The following FARS2 variants were observed in gnomAD, a reference collection of about 807,000 sequenced individuals.
FARS2 encodes phenylalanyl-tRNA synthetase 2, mitochondrial, also known as phenylalanine--tRNA ligase, mitochondrial.
FARS2 carries 40 observed loss-of-function variants against 46.4 expected under a neutral mutation model. The observed-to-expected ratio is 0.86, with a 90% CI of 0.67 to 1.12. The LOEUF (loss-of-function observed/expected upper bound fraction) is 1.12, where lower values mean the gene tolerates loss of function less well. Among genes scored for constraint, FARS2 ranks in the 50% most tolerant of loss-of-function variants. The pLI, the probability that FARS2 is intolerant of heterozygous loss-of-function variation, is 0.00. For synonymous variants in FARS2, 234 were observed against 214.9 expected (o/e 1.09, Z -0.78); for missense variants, 513 against 567.9 (o/e 0.90, Z 0.98).
intron 1 of FARS2, among the ~76,000 whole-genome samples, chr6:5,289,610 A>G (rs920289864): frequency 2.0e-5 from 3 of 152,130 alleles, no homozygotes; most frequent in African/African-American, 7.2e-5. Context: ...TTACACTCCT[A>G]TGCAAATGAA....
chr6:5,628,856 G>A (rs1195489367), intron 6 of FARS2, among the ~76,000 whole-genome samples: 2 of 152,194 alleles, frequency 1.3e-5, no homozygotes, highest in African/African-American at 2.4e-5. Flanking sequence ...GGTTTGATGT[G>A]CACTGCCATC....
rs116461505 is a variant in FARS2, at chr6:5,512,957, G to A, written c.905-32223G>A. ...AGTCATCAGACACACTGGGGACCCTGGATAGGTTTGACGCAAGAAAGTGTC... is the reference window on the plus strand; with the variant it reads ...AGTCATCAGACACACTGGGGACCCTAGATAGGTTTGACGCAAGAAAGTGTC... On this transcript the variant is annotated intron_variant, in intron 4 of 6. Transcript: ENST00000274680. Among the ~76,000 whole-genome samples, 1,373 of 152,224 alleles carry A rather than the reference G, an allele frequency of 9.0e-3. 19 individuals are homozygous for A. The highest frequency in any genetic ancestry group is 0.03 in the African/African-American group (1,263 of 41,530).
rs398000284 is a variant in FARS2, at chr6:5,405,480, C to CTTTTTTTTT, written c.772+796_772+804dup. Among the ~76,000 whole-genome samples, 151 of 58,950 alleles carry CTTTTTTTTT rather than the reference C, an allele frequency of 2.6e-3. 24 individuals are homozygous for CTTTTTTTTT. The highest frequency in any genetic ancestry group is 5.6e-3 in the African/African-American group (86 of 15,396). The allele number at this position is 58,950 out of a possible 152,430, so 38.7% of individuals were successfully genotyped here. Reference sequence around the variant, plus strand: ...AGGACGTGATCAGTGGAGCAAGGTTCTTTTTTTTTTTTTTTTTTTTTTTTT... The same window carrying CTTTTTTTTT: ...AGGACGTGATCAGTGGAGCAAGGTTCTTTTTTTTTTTTTTTTTTTTTTTTTTTTTTTTTT... On this transcript the variant is annotated intron_variant, in intron 3 of 6. Coordinates refer to ENST00000274680, the MANE Select transcript of FARS2 (RefSeq NM_006567.5).
intron 5 of FARS2, among the ~76,000 whole-genome samples, chr6:5,599,432 C>T (rs895721799): frequency 9.9e-5 from 15 of 152,102 alleles, no homozygotes; most frequent in Admixed American, 7.9e-4. Context: ...ACGGTAATGC[C>T]GCCTCCAGAA....
chr6:5,536,834 C>T (rs933444229), intron 4 of FARS2, among the ~76,000 whole-genome samples: 2 of 152,156 alleles, frequency 1.3e-5, no homozygotes, highest in African/African-American at 4.8e-5. Flanking sequence ...TGAATAGGCA[C>T]AAGAAGTTAC....
chr6:5,269,151 T>C (rs936880036), intron 1 of FARS2, among the ~76,000 whole-genome samples: 2 of 152,174 alleles, frequency 1.3e-5, no homozygotes, highest in African/African-American at 4.8e-5. Context: ...TGGAATACTA[T>C]GCAGCCATAA....
chr6:5,680,061 A>G (rs901068104), intron 6 of FARS2, among the ~76,000 whole-genome samples: 1 of 152,210 alleles, frequency 6.6e-6, no homozygotes, highest in African/African-American at 2.4e-5. Context: ...GTCCACAGCA[A>G]TCTTTCCTTC....
rs375222738 is a variant in FARS2, at chr6:5,420,661, A to G, written c.773-10380A>G. ...CTGCTGATGCAAGAGGTATGTTCCC[A>G]TGGTTTTGGGCAGCTCTGCCCCTGT... On this transcript the variant is annotated intron_variant, in intron 3 of 6. Transcript: ENST00000274680. Among the ~76,000 whole-genome samples, 7 of 152,224 alleles carry G rather than the reference A, an allele frequency of 4.6e-5. No individual in the cohort carries two copies. The East Asian group carries it at 9.7e-4, about 21-fold the overall frequency.
intron 5 of FARS2, among the ~76,000 whole-genome samples, chr6:5,604,480 G>A (rs947746151): frequency 1.6e-4 from 25 of 152,262 alleles, no homozygotes; most frequent in Admixed American, 3.3e-4. Flanking sequence ...GTGGCAGCAG[G>A]AATGGGCAGG....
intron 5 of FARS2, among the ~76,000 whole-genome samples, chr6:5,583,961 C>A (rs1773472771): frequency 6.6e-6 from 1 of 152,128 alleles, no homozygotes. Flanking sequence ...GGTTCAATGG[C>A]TTTTTTATCC....
chr6:5,393,580 C>A (rs576655886), intron 2 of FARS2, among the ~76,000 whole-genome samples: 2 of 152,090 alleles, frequency 1.3e-5, no homozygotes, highest in South Asian at 4.1e-4. Flanking sequence ...ATCACTTGAA[C>A]CCGGAGGCGG....
At chr6:5,463,362 A>C (rs1765349425) in intron 4 of FARS2, among the ~76,000 whole-genome samples, 1 of 152,158 alleles carries the variant, frequency 6.6e-6, no homozygotes. Flanking sequence ...GGCTTTCAGG[A>C]ACCTTTCCTT....
At chr6:5,640,431 G>A (rs961139354) in intron 6 of FARS2, among the ~76,000 whole-genome samples, 2 of 152,162 alleles carry the variant, frequency 1.3e-5, no homozygotes, top group African/African-American at 4.8e-5. Flanking sequence ...CTCCCAGCCC[G>A]AGCTTCCCCC....
At chr6:5,609,475 C>T (rs1222659470) in intron 5 of FARS2, 3 of 1,208,176 alleles carry the variant, frequency 2.5e-6, no homozygotes, top group Non-Finnish European at 2.4e-6. Flanking sequence ...TCCGCCCTGC[C>T]ACCATATCCA....
At chr6:5,530,814 A>G (rs959958121) in intron 4 of FARS2, among the ~76,000 whole-genome samples, 2 of 147,374 alleles carry the variant, frequency 1.4e-5, no homozygotes, top group Non-Finnish European at 3.0e-5. Flanking sequence ...AAATATATCA[A>G]TATATAAATG....
At chr6:5,299,041 A>G (rs1039407983) in intron 1 of FARS2, among the ~76,000 whole-genome samples, 5 of 152,200 alleles carry the variant, frequency 3.3e-5, no homozygotes, top group African/African-American at 1.2e-4. Flanking sequence ...TTGAAATGAT[A>G]TAGTGTGGGT....
intron 5 of FARS2, among the ~76,000 whole-genome samples, chr6:5,602,691 A>G (rs1774602732): frequency 1.3e-5 from 2 of 149,102 alleles, no homozygotes; most frequent in Non-Finnish European, 3.0e-5. Context: ...CAGGATTTTA[A>G]CCTTGGAAGG....
intron 6 of FARS2, among the ~76,000 whole-genome samples, chr6:5,716,362 C>G (rs543073830): frequency 3.3e-5 from 5 of 152,134 alleles, no homozygotes; most frequent in African/African-American, 1.2e-4. Flanking sequence ...TCTTGGGGGT[C>G]TTGTTTTTTT....
chr6:5,391,657 C>G (rs1450295740), intron 2 of FARS2, among the ~76,000 whole-genome samples: 2 of 152,014 alleles, frequency 1.3e-5, no homozygotes, highest in Admixed American at 1.3e-4. Context: ...CTACTATCAT[C>G]CAAGCCTCAT....
Sources: gnomAD v4.1 joint callset for allele counts (sites outside exome capture counted in the v4.1 genomes callset) on GRCh38, gnomAD v4.1.1 for gene constraint, MANE v1.5 for transcripts, NCBI Gene and HGNC (gene_info 2026-07-23, HGNC 2026-07-21) for gene names.